Variants in CENPK observed in about 807,000 individuals in gnomAD.
CENPK encodes centromere protein K, also known as SoxLZ/Sox6-binding protein Solt.
A neutral mutation model predicts 40.9 loss-of-function variants in CENPK; 46 were observed. The observed-to-expected ratio is 1.13, with a 90% CI of 0.89 to 1.44. The LOEUF is 1.44. CENPK is among the 40% of genes most tolerant of loss of function. CENPK has a pLI of 0.00. For missense variants in CENPK, 288 were observed against 303.5 expected, an observed-to-expected ratio of 0.95 and a Z score of 0.38; for synonymous variants, 107 against 104.4, an observed-to-expected ratio of 1.02 and a Z score of -0.15.
At chr5:65,516,874 A>G (rs1474702144), downstream of CENPK, among the ~76,000 whole-genome samples, 1 of 152,238 alleles carries the variant, frequency 6.6e-6, no homozygotes, top group Admixed American at 6.5e-5. Flanking sequence ...AACTGGAAGC[A>G]TATTGACATA....
the CENPK span, among the ~76,000 whole-genome samples, chr5:65,511,024 C>T: frequency 6.6e-6 from 1 of 152,122 alleles, no homozygotes; most frequent in Admixed American, 6.6e-5. Context: ...GAAAGAAATT[C>T]CTCTTCTTTA....
At chr5:65,506,188 A>C in the CENPK span, among the ~76,000 whole-genome samples, 1 of 151,356 alleles carries the variant, frequency 6.6e-6, no homozygotes, top group Non-Finnish European at 1.5e-5. Flanking sequence ...GCTCAAGACC[A>C]GCCTGGGCAA....
At chr5:65,557,397 T>C (rs1215053293) in intron 2 of CENPK, among the ~76,000 whole-genome samples, 1 of 152,088 alleles carries the variant, frequency 6.6e-6, no homozygotes, top group Non-Finnish European at 1.5e-5. Context: ...GAGAATACAA[T>C]GAAAATGACA....
At chr5:65,501,540 G>A in the CENPK span, among the ~76,000 whole-genome samples, 1 of 152,034 alleles carries the variant, frequency 6.6e-6, no homozygotes, top group Admixed American at 6.5e-5. Flanking sequence ...GATTTTCCTA[G>A]TTCTTCGGGC....
At chr5:65,505,322 A>C in the CENPK span, among the ~76,000 whole-genome samples, 5 of 152,110 alleles carry the variant, frequency 3.3e-5, no homozygotes, top group Admixed American at 3.3e-4. Flanking sequence ...CTTTCTCTTT[A>C]ATGTGTTGTA....
chr5:65,537,125 A>G (rs1241754787), intron 6 of CENPK, among the ~76,000 whole-genome samples: 1 of 152,200 alleles, frequency 6.6e-6, no homozygotes, highest in Non-Finnish European at 1.5e-5. Flanking sequence ...AGTTAAAAAA[A>G]GTTGGAACTT....
the CENPK span, among the ~76,000 whole-genome samples, chr5:65,512,174 T>G: frequency 6.6e-6 from 1 of 152,048 alleles, no homozygotes; most frequent in Non-Finnish European, 1.5e-5. Context: ...TTCCCATGGA[T>G]GAGCAAAAAA....
At chr5:65,546,709 C>A (rs56184030) in intron 5 of CENPK, among the ~76,000 whole-genome samples, 61,849 of 151,834 alleles carry the variant, frequency 0.41, 12,937 homozygotes, top group East Asian at 0.65. Context: ...TAAGAGTAGG[C>A]GATTAGGACA....
intron 6 of CENPK, 152 bp from the exon 7 acceptor site, chr5:65,529,351 C>T: frequency 1.8e-6 from 1 of 552,300 alleles, no homozygotes; most frequent in Middle Eastern, 4.8e-4. Flanking sequence ...GGTAAATATA[C>T]AGTAGGCGCT....
the CENPK span, among the ~76,000 whole-genome samples, chr5:65,510,001 T>C: frequency 6.6e-6 from 1 of 152,236 alleles, no homozygotes; most frequent in African/African-American, 2.4e-5. Flanking sequence ...AGCTGTTCCC[T>C]TGTCTCCCTC....
intron 2 of CENPK, among the ~76,000 whole-genome samples, chr5:65,559,495 G>C (rs1225988519): frequency 6.6e-6 from 1 of 151,024 alleles, no homozygotes; most frequent in African/African-American, 2.4e-5. Context: ...CGGGCGTAGT[G>C]GCGGGCGCCT....
At chr5:65,528,204 G>A (rs1745071929) in intron 9 of CENPK, among the ~76,000 whole-genome samples, 1 of 152,156 alleles carries the variant, frequency 6.6e-6, no homozygotes. Flanking sequence ...TCACGCCACT[G>A]AACTACAGCC....
chr5:65,518,773 C>A, intron 10 of CENPK, 140 bp from the exon 11 acceptor site: 1 of 572,996 alleles, frequency 1.7e-6, no homozygotes, highest in Non-Finnish European at 3.0e-6. Flanking sequence ...ATTTGAATTT[C>A]CTTTTTGAAA....
intron 6 of CENPK, among the ~76,000 whole-genome samples, chr5:65,539,151 T>C (rs1747494399): frequency 6.6e-6 from 1 of 152,238 alleles, no homozygotes; most frequent in Non-Finnish European, 1.5e-5. Context: ...AGAAAGTGTC[T>C]ATGATCCTTG....
At chr5:65,506,475 C>G in the CENPK span, among the ~76,000 whole-genome samples, 1 of 151,776 alleles carries the variant, frequency 6.6e-6, no homozygotes, top group Non-Finnish European at 1.5e-5. Context: ...ATGGTGAAAC[C>G]CGGTCTCTAC....
intron 9 of CENPK, chr5:65,524,680 CAA>C (rs753826622): frequency 1.2e-4 from 14 of 117,196 alleles, no homozygotes; most frequent in South Asian, 7.9e-4. Context: ...GACTCCATCT[CAA>C]AAAAAAAAAA....
At chr5:65,498,077 T>C in the CENPK span, among the ~76,000 whole-genome samples, 3 of 152,194 alleles carry the variant, frequency 2.0e-5, no homozygotes. Flanking sequence ...ATTGTTTTTC[T>C]AGTATTTTCT....
chr5:65,504,457 CAAAAAA>C, the CENPK span, among the ~76,000 whole-genome samples: 2 of 100,068 alleles, frequency 2.0e-5, no homozygotes, highest in African/African-American at 4.2e-5. Flanking sequence ...AATTCCGTAT[CAAAAAA>C]AAAAAAAAAA....
At chr5:65,533,615 G>C (rs1378204295) in intron 6 of CENPK, among the ~76,000 whole-genome samples, 2 of 152,048 alleles carry the variant, frequency 1.3e-5, no homozygotes, top group Non-Finnish European at 2.9e-5. Flanking sequence ...AAATTATACA[G>C]AAGGGAAAAG....
Sources: allele counts gnomAD v4.1 joint callset (sites outside exome capture counted in the v4.1 genomes callset), GRCh38; gene constraint gnomAD v4.1.1; transcripts MANE v1.5; gene names NCBI Gene and HGNC (gene_info 2026-07-23, HGNC 2026-07-21).